The following MAP2K4 variants were observed in gnomAD, a reference collection of about 807,000 sequenced individuals.
The protein encoded by MAP2K4 is mitogen-activated protein kinase kinase 4, also known as dual specificity mitogen-activated protein kinase kinase 4.
MAP2K4 carries 4 observed loss-of-function variants against 48.5 expected under a neutral mutation model. The observed-to-expected ratio is 0.08, with a 90% CI of 0.04 to 0.19. The LOEUF (loss-of-function observed/expected upper bound fraction) is 0.19, where lower values mean the gene tolerates loss of function less well. Among genes scored for constraint, MAP2K4 ranks in the 10% least tolerant of loss-of-function variants. The pLI, the probability that MAP2K4 is intolerant of heterozygous loss-of-function variation, is 1.00. For synonymous variants in MAP2K4, 166 were observed against 173.1 expected, an observed-to-expected ratio of 0.96 and a Z score of 0.32; for missense variants, 258 against 493.3, an observed-to-expected ratio of 0.52 and a Z score of 4.52.
chr17:12,047,996 C>CT (rs1158300602), intron 1 of MAP2K4, among the ~76,000 whole-genome samples: 1 of 152,098 alleles, frequency 6.6e-6, no homozygotes, highest in Non-Finnish European at 1.5e-5. Flanking sequence ...AAAGAATTTT[C>CT]TTTCCTATTC....
chr17:12,136,334 G>A (rs1973209154), intron 9 of MAP2K4, among the ~76,000 whole-genome samples: 2 of 152,136 alleles, frequency 1.3e-5, no homozygotes, highest in Non-Finnish European at 2.9e-5. Context: ...TATAAGCAGG[G>A]AACACATTTA....
intron 7 of MAP2K4, among the ~76,000 whole-genome samples, chr17:12,118,779 A>T (rs143644470): frequency 2.2e-4 from 34 of 152,330 alleles, no homozygotes; most frequent in African/African-American, 6.3e-4. Flanking sequence ...AGCATGAAGG[A>T]TGTCATACAT....
rs1248341634 is a variant in MAP2K4 at position 12,024,422 on chromosome 17, C to T, written c.115+3421C>T. Among the ~76,000 whole-genome samples, 5 of 152,268 alleles carry T rather than the reference C, an allele frequency of 3.3e-5. No individual in the cohort carries two copies. In the East Asian group the frequency reaches 9.6e-4, roughly 29 times the overall value. On this transcript the variant is annotated intron_variant, in intron 1 of 10. Transcript: ENST00000353533. ...GGAATAGCTGCTAATTTTGTTATTACTCAAAAGATTTGAGTGTCTTCACTC... is the reference window on the plus strand; with the variant it reads ...GGAATAGCTGCTAATTTTGTTATTATTCAAAAGATTTGAGTGTCTTCACTC...
intron 1 of MAP2K4, among the ~76,000 whole-genome samples, chr17:12,047,302 TATC>T (rs2151520566): frequency 6.6e-6 from 1 of 152,340 alleles, no homozygotes; most frequent in Non-Finnish European, 1.5e-5. Flanking sequence ...TGTAGACAGT[TATC>T]ATAATTGATA....
chr17:12,138,273 A>G (rs1214463479), intron 9 of MAP2K4, among the ~76,000 whole-genome samples: 3 of 151,074 alleles, frequency 2.0e-5, no homozygotes, highest in African/African-American at 7.3e-5. Flanking sequence ...AAATCCGCAT[A>G]TAACTTTTGA....
Position 12,054,783 on chromosome 17 carries a change from T to C in MAP2K4, c.116-106T>C, listed in dbSNP as rs1970237739. 4 of 637,276 alleles carry C rather than the reference T, an allele frequency of 6.3e-6. No homozygotes were observed. In the South Asian group the frequency reaches 8.5e-5, roughly 14 times the overall value. 39.5% of individuals were successfully genotyped at this position (637,276 alleles called of 1,614,324 possible). A position where few individuals can be genotyped will look rare whatever the true frequency, so the allele number is the denominator to read the frequency against. ...AAAATATTGTCCTATATTAACTGTT[T>C]GTTAAAGCAAGTTCTCTTGCCTTTT... On this transcript the variant is annotated intron_variant, in intron 1 of 10. Transcript: ENST00000353533.
intron 1 of MAP2K4, among the ~76,000 whole-genome samples, chr17:12,044,977 G>C (rs1035982843): frequency 6.6e-6 from 1 of 152,216 alleles, no homozygotes; most frequent in Non-Finnish European, 1.5e-5. Flanking sequence ...AAGGAGTTGT[G>C]TGCCAGGAAA....
At chr17:12,096,927 T>C (rs1971776095) in intron 4 of MAP2K4, among the ~76,000 whole-genome samples, 1 of 152,204 alleles carries the variant, frequency 6.6e-6, no homozygotes, top group South Asian at 2.1e-4. Flanking sequence ...TTTTTTCTAT[T>C]CCTGTCTTTA....
At chr17:12,021,906 G>A (rs1000002671) in intron 1 of MAP2K4, among the ~76,000 whole-genome samples, 4 of 152,196 alleles carry the variant, frequency 2.6e-5, no homozygotes, top group South Asian at 4.1e-4. Context: ...TTGACAGGGG[G>A]TGTTGTGAAA....
At chr17:12,095,895 T>TTGTGTGTGTGTGTGTGTGTGTG (rs71947375) in intron 4 of MAP2K4, among the ~76,000 whole-genome samples, 2 of 147,292 alleles carry the variant, frequency 1.4e-5, no homozygotes, top group African/African-American at 5.1e-5. Flanking sequence ...ACACGTGTGT[T>TTGTGTGTGTGTGTGTGTGTGTG]TGTGTGTGTG....
intron 1 of MAP2K4, among the ~76,000 whole-genome samples, chr17:12,026,682 C>T (rs1036195671): frequency 4.6e-5 from 7 of 152,176 alleles, no homozygotes; most frequent in South Asian, 2.1e-4. Flanking sequence ...TAAGTCATTT[C>T]GGCCATTCAG....
intron 3 of MAP2K4, among the ~76,000 whole-genome samples, chr17:12,085,167 G>A (rs553220877): frequency 3.9e-5 from 6 of 152,164 alleles, no homozygotes; most frequent in South Asian, 4.1e-4. Flanking sequence ...GAATATGTGC[G>A]AAAAACCAAA....
At chr17:12,122,869 T>G (rs2151585520) in intron 7 of MAP2K4, among the ~76,000 whole-genome samples, 1 of 152,352 alleles carries the variant, frequency 6.6e-6, no homozygotes, top group South Asian at 2.1e-4. Context: ...TGTCAGATGC[T>G]AATTCTACAT....
chr17:12,103,747 A>T (rs1004134924), intron 4 of MAP2K4, among the ~76,000 whole-genome samples: 1 of 152,082 alleles, frequency 6.6e-6, no homozygotes, highest in African/African-American at 2.4e-5. Context: ...ATTTAAGTAA[A>T]TGGAATCCTA....
At chr17:12,053,568 A>T (rs537055616) in intron 1 of MAP2K4, among the ~76,000 whole-genome samples, 1 of 151,574 alleles carries the variant, frequency 6.6e-6, no homozygotes, top group East Asian at 1.9e-4. Context: ...AAATACAGTC[A>T]TATCTGCTAT....
chr17:12,071,283 T>G (rs1970799744), intron 2 of MAP2K4, among the ~76,000 whole-genome samples: 1 of 152,216 alleles, frequency 6.6e-6, no homozygotes, highest in Non-Finnish European at 1.5e-5. Flanking sequence ...CAGATGGTAT[T>G]GAAGAACTGG....
At chr17:12,110,488 G>T in intron 6 of MAP2K4, 62 bp downstream of exon 6, 2 of 1,186,790 alleles carry the variant, frequency 1.7e-6, no homozygotes, top group Non-Finnish European at 2.5e-6. Flanking sequence ...TTGGTGAAAC[G>T]GTTATTGAAA....
chr17:12,110,357 T>C lies in MAP2K4; in HGVS notation c.634-18T>C. On this transcript the variant is annotated intron_variant, in intron 5 of 10. Coordinates refer to ENST00000353533, the MANE Select transcript of MAP2K4 (RefSeq NM_003010.4). Reference sequence around the variant, plus strand: ...AAAGAAACAAGTTGTTTATCCCATCTCTCCTTTTTCTCCCTAGACTGTGAA... The same window carrying C: ...AAAGAAACAAGTTGTTTATCCCATCCCTCCTTTTTCTCCCTAGACTGTGAA... The C allele has an allele frequency of 6.3e-7, 1 of 1,592,134 alleles. No homozygotes were observed.
At chr17:12,041,775 T>A (rs1969792727) in intron 1 of MAP2K4, among the ~76,000 whole-genome samples, 1 of 152,242 alleles carries the variant, frequency 6.6e-6, no homozygotes, top group Non-Finnish European at 1.5e-5. Context: ...CTTCGATTCC[T>A]TATTTATTGA....
Sources: allele counts gnomAD v4.1 joint callset (sites outside exome capture counted in the v4.1 genomes callset), GRCh38; gene constraint gnomAD v4.1.1; transcripts MANE v1.5; gene names NCBI Gene and HGNC (gene_info 2026-07-23, HGNC 2026-07-21).